HMGXB4: variants seen among roughly 807,000 people sequenced by gnomAD.
HMGXB4 encodes the protein HMG domain-containing protein 4.
In HMGXB4, 27 loss-of-function variants were observed where a neutral mutation model predicts 63.9. That is an observed-to-expected ratio of 0.42 (90% CI 0.31 to 0.58). HMGXB4 has a LOEUF of 0.58. Among genes scored for constraint, HMGXB4 ranks in the 20% least tolerant of loss-of-function variants. HMGXB4 has a pLI of 0.13. For synonymous variants in HMGXB4, 264 were observed against 265.3 expected, an observed-to-expected ratio of 0.99 and a Z score of 0.05; for missense variants, 624 against 700.7, an observed-to-expected ratio of 0.89 and a Z score of 1.24.
chr22:35,249,549 A>T, the HMGXB4 span, among the ~76,000 whole-genome samples: 54 of 98,772 alleles, frequency 5.5e-4, 20 homozygotes, highest in South Asian at 0.02. Flanking sequence ...ACCAATTTCT[A>T]TTCCTCTGAG....
chr22:35,284,879 A>G (rs923694173), intron 6 of HMGXB4, among the ~76,000 whole-genome samples: 18 of 152,256 alleles, frequency 1.2e-4, no homozygotes, highest in African/African-American at 2.6e-4. Flanking sequence ...TGCCCTACCA[A>G]CTCCAAAAGA....
At chr22:35,263,698 C>G (rs1176299255) in intron 3 of HMGXB4, 98 bp from the exon 4 acceptor site, 3 of 813,094 alleles carry the variant, frequency 3.7e-6, no homozygotes, top group African/African-American at 3.4e-5. Flanking sequence ...ATTTCTTGTG[C>G]TTTGTTTCCC....
intron 8 of HMGXB4, among the ~76,000 whole-genome samples, chr22:35,287,902 C>T (rs528425224): frequency 6.6e-6 from 1 of 151,556 alleles, no homozygotes. Flanking sequence ...GAGCCGAGAT[C>T]GTGCCATGGC....
chr22:35,262,446 A>G (rs773851793), intron 2 of HMGXB4, 25 bp downstream of exon 2: 12 of 1,609,158 alleles, frequency 7.5e-6, no homozygotes, highest in Non-Finnish European at 1.0e-5. Context: ...TCTGAGAAGC[A>G]TTCCAAAGGG....
intron 7 of HMGXB4, 145 bp from the exon 8 acceptor site, chr22:35,287,202 C>T: frequency 1.6e-6 from 1 of 629,598 alleles, no homozygotes; most frequent in Non-Finnish European, 2.9e-6. Context: ...TTCGGTGACC[C>T]CCAGCTTAAA....
intron 5 of HMGXB4, among the ~76,000 whole-genome samples, chr22:35,273,855 C>T (rs1484601384): frequency 3.3e-5 from 5 of 152,232 alleles, no homozygotes; most frequent in Non-Finnish European, 7.3e-5. Flanking sequence ...GTCCTGTGAC[C>T]TCTCTGCCTC....
chr22:35,261,165 C>T (rs1028542495), intron 1 of HMGXB4, among the ~76,000 whole-genome samples: 1 of 152,156 alleles, frequency 6.6e-6, no homozygotes, highest in African/African-American at 2.4e-5. Context: ...TGGCTGGGCG[C>T]GGTGGCTCAC....
chr22:35,267,165 A>ATAT (rs1923313372), intron 5 of HMGXB4, among the ~76,000 whole-genome samples: 2 of 100,752 alleles, frequency 2.0e-5, no homozygotes, highest in East Asian at 3.0e-4. Context: ...ATATATATAA[A>ATAT]ATAATATATT....
the HMGXB4 span, among the ~76,000 whole-genome samples, chr22:35,250,798 CCT>C: frequency 8.5e-5 from 13 of 152,094 alleles, no homozygotes; most frequent in African/African-American, 3.1e-4. Context: ...CATCTCTGAG[CCT>C]CTCTCTGTGT....
At chr22:35,275,141 C>T (rs1173666568) in intron 5 of HMGXB4, among the ~76,000 whole-genome samples, 7 of 96,916 alleles carry the variant, frequency 7.2e-5, no homozygotes, top group South Asian at 2.9e-4. Context: ...TTTTTTGAGA[C>T]GGATTTTCGC....
chr22:35,276,583 A>G (rs1247542965), intron 5 of HMGXB4, among the ~76,000 whole-genome samples: 2 of 152,182 alleles, frequency 1.3e-5, no homozygotes, highest in Non-Finnish European at 2.9e-5. Flanking sequence ...ACATGAACTC[A>G]TGGGCGAGGG....
chr22:35,251,132 T>A, the HMGXB4 span, among the ~76,000 whole-genome samples: 1 of 151,742 alleles, frequency 6.6e-6, no homozygotes, highest in Non-Finnish European at 1.5e-5. Context: ...TAGAGTGCAG[T>A]GGCGCGATCT....
At chr22:35,292,152 T>C (rs1248970766) in intron 9 of HMGXB4, among the ~76,000 whole-genome samples, 3 of 152,222 alleles carry the variant, frequency 2.0e-5, no homozygotes, top group Non-Finnish European at 4.4e-5. Flanking sequence ...GTAATATTCA[T>C]AATTACTGAT....
At chr22:35,289,213 A>G (rs1020072467) in intron 9 of HMGXB4, among the ~76,000 whole-genome samples, 1 of 152,016 alleles carries the variant, frequency 6.6e-6, no homozygotes, top group East Asian at 1.9e-4. Flanking sequence ...AATCCCAGCA[A>G]TTTGGGAGAC....
At chr22:35,268,943 A>AC (rs1191119668) in intron 5 of HMGXB4, among the ~76,000 whole-genome samples, 1 of 151,912 alleles carries the variant, frequency 6.6e-6, no homozygotes, top group African/African-American at 2.4e-5. Flanking sequence ...CATTCTGTAC[A>AC]CCCCTCATTA....
At chr22:35,280,263 C>T (rs1032559267) in intron 5 of HMGXB4, among the ~76,000 whole-genome samples, 4 of 152,134 alleles carry the variant, frequency 2.6e-5, no homozygotes, top group Non-Finnish European at 5.9e-5. Flanking sequence ...ACATTGAGTA[C>T]CTACTGAAGT....
upstream of HMGXB4, among the ~76,000 whole-genome samples, chr22:35,252,722 G>A (rs1277788511): frequency 1.3e-5 from 2 of 152,194 alleles, no homozygotes; most frequent in Non-Finnish European, 2.9e-5. Context: ...AAGAAAATGT[G>A]GCCAGGCGTA....
chr22:35,269,467 C>T (rs927836157), intron 5 of HMGXB4, among the ~76,000 whole-genome samples: 15 of 152,186 alleles, frequency 9.9e-5, no homozygotes, highest in Non-Finnish European at 1.8e-4. Flanking sequence ...AATGTAAGCT[C>T]CTTTACCACC....
chr22:35,271,097 AT>A (rs879596155), intron 5 of HMGXB4, among the ~76,000 whole-genome samples: 158 of 146,556 alleles, frequency 1.1e-3, no homozygotes, highest in Middle Eastern at 3.4e-3. Context: ...CTACCTCTTA[AT>A]TTTTTTTTTT....
Sources: gnomAD v4.1 joint callset for allele counts (sites outside exome capture counted in the v4.1 genomes callset) on GRCh38, gnomAD v4.1.1 for gene constraint, MANE v1.5 for transcripts, NCBI Gene and HGNC (gene_info 2026-07-23, HGNC 2026-07-21) for gene names.